The following GPD2 variants were observed in gnomAD, a reference collection of about 807,000 sequenced individuals.
GPD2 encodes glycerol-3-phosphate dehydrogenase 2.
GPD2 carries 54 observed loss-of-function variants against 82.4 expected under a neutral mutation model. The ratio of observed to expected loss-of-function variants is 0.66; its 90% CI spans 0.53 to 0.82. The LOEUF is 0.82. GPD2 is among the 40% of genes least tolerant of loss of function. The probability of loss-of-function intolerance (pLI) is 0.00; values close to 1 mark genes in which losing one functional copy is unlikely to be tolerated. For missense variants in GPD2, 748 were observed against 896.2 expected, an observed-to-expected ratio of 0.83 and a Z score of 2.11; for synonymous variants, 288 against 306.1, an observed-to-expected ratio of 0.94 and a Z score of 0.62.
At chr2:156,420,436 G>A in the GPD2 span, among the ~76,000 whole-genome samples, 1 of 152,242 alleles carries the variant, frequency 6.6e-6, no homozygotes, top group South Asian at 2.1e-4. Flanking sequence ...CTCCCAAAGT[G>A]CCGGGATTAC....
At chr2:156,500,253 A>T (rs947619517) in intron 3 of GPD2, among the ~76,000 whole-genome samples, 2 of 152,148 alleles carry the variant, frequency 1.3e-5, no homozygotes, top group African/African-American at 2.4e-5. Context: ...TTTAGCTTGT[A>T]TTTCTCTTAT....
At chr2:156,446,364 G>A (rs1573874685) in intron 1 of GPD2, among the ~76,000 whole-genome samples, 1 of 152,052 alleles carries the variant, frequency 6.6e-6, no homozygotes, top group Non-Finnish European at 1.5e-5. Context: ...TCCAAGTGCT[G>A]GGATTACAGG....
chr2:156,515,595 G>T (rs936398885), intron 6 of GPD2, among the ~76,000 whole-genome samples: 3 of 152,102 alleles, frequency 2.0e-5, no homozygotes, highest in African/African-American at 4.8e-5. Context: ...TGAGGAAAAA[G>T]AATTCTTTAA....
At chr2:156,488,358 G>A (rs1191407412) in intron 2 of GPD2, among the ~76,000 whole-genome samples, 1 of 152,114 alleles carries the variant, frequency 6.6e-6, no homozygotes, top group Non-Finnish European at 1.5e-5. Context: ...GTCTTTTTTA[G>A]TGACAAAAAG....
rs1688191842 is a variant in GPD2 at position 156,585,627 on chromosome 2, C to G, written c.*2709C>G. ...CTCTCTATCCTGCTTCAGTTTCTGGCTTTGCTTTGTCTGTTTCAAAATATG... is the reference window on the plus strand; with the variant it reads ...CTCTCTATCCTGCTTCAGTTTCTGGGTTTGCTTTGTCTGTTTCAAAATATG... On this transcript the variant is annotated 3_prime_UTR_variant, in exon 17 of 17. Coordinates refer to ENST00000438166, the MANE Select transcript of GPD2 (RefSeq NM_000408.5). The G allele has an allele frequency of 6.6e-6, 1 of 152,412 alleles. No individual in the cohort carries two copies. The highest frequency in any genetic ancestry group is 6.6e-5 in the Admixed American group (1 of 15,228). 9.4% of individuals were successfully genotyped at this position (152,412 alleles called of 1,614,324 possible). A position where few individuals can be genotyped will look rare whatever the true frequency, so the allele number is the denominator to read the frequency against.
chr2:156,534,488 T>A (rs1573972529), intron 6 of GPD2, among the ~76,000 whole-genome samples: 1 of 152,234 alleles, frequency 6.6e-6, no homozygotes, highest in South Asian at 2.1e-4. Flanking sequence ...CAGTATTTCC[T>A]TGCCTCCTGT....
the GPD2 span, among the ~76,000 whole-genome samples, chr2:156,402,467 A>G: frequency 1.3e-5 from 2 of 152,180 alleles, no homozygotes; most frequent in Non-Finnish European, 2.9e-5. Context: ...AACAAGGTCA[A>G]CTCATTTTAC....
At chr2:156,413,531 C>T in the GPD2 span, among the ~76,000 whole-genome samples, 1 of 150,752 alleles carries the variant, frequency 6.6e-6, no homozygotes, top group Non-Finnish European at 1.5e-5. Context: ...TTGCAGTGAT[C>T]CGAGATCATG....
intron 1 of GPD2, among the ~76,000 whole-genome samples, chr2:156,440,745 G>A (rs1405540744): frequency 2.0e-5 from 3 of 152,160 alleles, no homozygotes; most frequent in African/African-American, 4.8e-5. Flanking sequence ...GGAAAAATTG[G>A]TTAATAGATG....
intron 1 of GPD2, among the ~76,000 whole-genome samples, chr2:156,467,098 G>A (rs1683175310): frequency 6.6e-6 from 1 of 151,370 alleles, no homozygotes; most frequent in South Asian, 2.1e-4. Context: ...TTTGTTTCAT[G>A]ATTTTTTTTT....
At chr2:156,481,149 A>G (rs1366234591) in intron 2 of GPD2, among the ~76,000 whole-genome samples, 3 of 151,732 alleles carry the variant, frequency 2.0e-5, no homozygotes, top group African/African-American at 7.3e-5. Flanking sequence ...ACCTTTATTT[A>G]TTTACATATT....
intron 1 of GPD2, among the ~76,000 whole-genome samples, chr2:156,458,003 G>A (rs1160779325): frequency 6.6e-6 from 1 of 152,244 alleles, no homozygotes; most frequent in African/African-American, 2.4e-5. Flanking sequence ...AGGGCTGTCT[G>A]TGTCTTCTGT....
chr2:156,430,933 GA>G (rs1688309597), upstream of GPD2, among the ~76,000 whole-genome samples: 1 of 152,152 alleles, frequency 6.6e-6, no homozygotes. Flanking sequence ...GTTTGGGAAG[GA>G]AAAAACTTCT....
At chr2:156,471,477 C>T (rs530797797) in intron 1 of GPD2, among the ~76,000 whole-genome samples, 57 of 152,354 alleles carry the variant, frequency 3.7e-4, no homozygotes, top group African/African-American at 1.4e-3. Flanking sequence ...CTTCCTCTCT[C>T]TTCCCTCTGG....
chr2:156,402,265 G>C, the GPD2 span, among the ~76,000 whole-genome samples: 9 of 152,176 alleles, frequency 5.9e-5, no homozygotes, highest in African/African-American at 2.2e-4. Flanking sequence ...ATCGAATGGT[G>C]TTAGAGAAAG....
chr2:156,414,670 G>C, the GPD2 span, among the ~76,000 whole-genome samples: 9 of 151,994 alleles, frequency 5.9e-5, no homozygotes, highest in African/African-American at 2.2e-4. Flanking sequence ...TATTAAAAAA[G>C]AAATAAACTT....
At chr2:156,422,062 G>T in the GPD2 span, among the ~76,000 whole-genome samples, 1 of 152,168 alleles carries the variant, frequency 6.6e-6, no homozygotes, top group African/African-American at 2.4e-5. Context: ...AGGAGTTTGA[G>T]TTTATAGTTA....
the GPD2 span, among the ~76,000 whole-genome samples, chr2:156,423,872 C>T: frequency 6.6e-6 from 1 of 152,246 alleles, no homozygotes; most frequent in African/African-American, 2.4e-5. Flanking sequence ...GAGCAGTAGC[C>T]AGTAAGTGTA....
intron 6 of GPD2, among the ~76,000 whole-genome samples, chr2:156,534,862 T>C (rs1344940917): frequency 6.6e-6 from 1 of 152,022 alleles, no homozygotes; most frequent in Non-Finnish European, 1.5e-5. Flanking sequence ...CATTGATTTA[T>C]GGTTGCCTGT....
Sources: allele counts gnomAD v4.1 joint callset (sites outside exome capture counted in the v4.1 genomes callset), GRCh38; gene constraint gnomAD v4.1.1; transcripts MANE v1.5; gene names NCBI Gene and HGNC (gene_info 2026-07-23, HGNC 2026-07-21).